Variants in CNOT10 observed in about 807,000 individuals in gnomAD.
CNOT10 encodes CCR4-NOT transcription complex subunit 10.
CNOT10 carries 30 observed loss-of-function variants against 94.6 expected under a neutral mutation model. That is an observed-to-expected ratio of 0.32 (90% CI 0.24 to 0.43). CNOT10 has a LOEUF of 0.43. CNOT10 is among the 20% of genes least tolerant of loss of function. The pLI, the probability that CNOT10 is intolerant of heterozygous loss-of-function variation, is 1.00. For missense variants in CNOT10, 759 were observed against 877.2 expected, an observed-to-expected ratio of 0.87 and a Z score of 1.70; for synonymous variants, 289 against 301.6, an observed-to-expected ratio of 0.96 and a Z score of 0.43.
intron 13 of CNOT10, among the ~76,000 whole-genome samples, chr3:32,754,489 A>AAAAAAAAT (rs77878221): frequency 7.1e-5 from 5 of 70,208 alleles, no homozygotes; most frequent in East Asian, 6.2e-4. Context: ...AAAAAAAAAA[A>AAAAAAAAT]ATACATATAT....
chr3:32,773,540 C>T lies in CNOT10; in HGVS notation c.2164C>T (p.Pro722Ser), dbSNP rs982657145. 22 of 1,614,166 alleles carry T rather than the reference C, an allele frequency of 1.4e-5. No homozygotes were observed. The highest frequency in any genetic ancestry group is 1.9e-5 in the Non-Finnish European group (22 of 1,180,016). The change falls in exon 19 of 19, where the codon CCA becomes TCA. Residue 722 changes from proline to serine, a missense_variant. By Grantham distance (74) the Pro-to-Ser change is moderately conservative. Coordinates refer to ENST00000328834, the MANE Select transcript of CNOT10 (RefSeq NM_015442.3). Reference protein sequence around the residue: ...VKTHSEVRKKPVFQPVHPIQP... With the variant: ...VKTHSEVRKKSVFQPVHPIQP... ...AACACACTCTGAAGTGAGAAAGAAGCCAGTGTTTCAGCCTGTCCACCCGAT... is the reference window on the plus strand; with the variant it reads ...AACACACTCTGAAGTGAGAAAGAAGTCAGTGTTTCAGCCTGTCCACCCGAT...
At chr3:32,755,880 G>A (rs563447806) in intron 13 of CNOT10, among the ~76,000 whole-genome samples, 1 of 152,070 alleles carries the variant, frequency 6.6e-6, no homozygotes, top group Non-Finnish European at 1.5e-5. Context: ...CCACAGGGGG[G>A]AAAAGCTAGT....
intron 13 of CNOT10, among the ~76,000 whole-genome samples, chr3:32,741,768 C>CAAAAAAAAAAAAAAA (rs529423159): frequency 1.2e-5 from 1 of 86,542 alleles, no homozygotes; most frequent in Admixed American, 1.3e-4. Flanking sequence ...GACTCCGTCT[C>CAAAAAAAAAAAAAAA]AAAAAAAAAA....
At position 32,704,814 on chromosome 3, in the gene CNOT10, G is replaced by C; in HGVS notation, c.121G>C (p.Gly41Arg). Residue 41 changes from glycine to arginine, a missense_variant, in exon 3 of 19, where the codon GGA becomes CGA. This residue lies in a region of CNOT10 where 682 missense variants were observed against 799.4 expected (regional missense o/e 0.85). Transcript: ENST00000328834. ...GTGTGTGGTTTTTTTTTTTTAGTCT[G>C]GAAATTATGATGCCTGTCTACAACA... ...STNAFQAFTS[G>R]NYDACLQHLA... The C allele has an allele frequency of 6.4e-7, 1 of 1,556,958 alleles. No homozygotes were observed. The highest frequency in any genetic ancestry group is 8.6e-7 in the Non-Finnish European group (1 of 1,162,308).
chr3:32,739,205 C>A (rs1203063773), intron 13 of CNOT10, among the ~76,000 whole-genome samples: 1 of 152,178 alleles, frequency 6.6e-6, no homozygotes, highest in Non-Finnish European at 1.5e-5. Context: ...TGCGCCCGGC[C>A]AGTTTTCATT....
intron 13 of CNOT10, chr3:32,752,974 TA>T: frequency 2.2e-6 from 1 of 461,224 alleles, no homozygotes; most frequent in Admixed American, 2.7e-5. Context: ...TTGGATACTC[TA>T]ATCGACGAGG....
chr3:32,702,752 G>C (rs1697411943), intron 1 of CNOT10, among the ~76,000 whole-genome samples: 1 of 152,078 alleles, frequency 6.6e-6, no homozygotes, highest in Admixed American at 6.6e-5. Context: ...TTTTTAAAGA[G>C]CACAATATTC....
At chr3:32,699,164 T>G (rs1697218781) in intron 1 of CNOT10, among the ~76,000 whole-genome samples, 1 of 152,180 alleles carries the variant, frequency 6.6e-6, no homozygotes, top group South Asian at 2.1e-4. Context: ...ACATACAGTT[T>G]GGTGAATAGT....
At chr3:32,698,679 A>G (rs1697190170) in intron 1 of CNOT10, among the ~76,000 whole-genome samples, 1 of 152,182 alleles carries the variant, frequency 6.6e-6, no homozygotes, top group Non-Finnish European at 1.5e-5. Flanking sequence ...TGCTCTTTTA[A>G]TTATGTCATA....
chr3:32,713,258 G>T lies in CNOT10; in HGVS notation c.462G>T (p.Leu154Phe), dbSNP rs370558352. The change falls in exon 5 of 19, where the codon TTG (leucine) becomes TTT (phenylalanine). Residue 154 changes from leucine (L) to phenylalanine (F), a missense_variant. Coordinates refer to ENST00000328834, the MANE Select transcript of CNOT10 (RefSeq NM_015442.3). ...AATTTGCCCAAGCAGTGTGTTTTTT[G>T]CTTGTAGACCTGTATATATTAACCT... ...EEKFAQAVCF[L>F]LVDLYILTYQ... 5.7e-6 allele frequency: 9 copies of T among 1,573,406 alleles called. No individual in the cohort carries two copies. Among genetic ancestry groups the T allele is most frequent in the East Asian group, 2.3e-5 (1 of 43,718 alleles).
chr3:32,735,643 G>C (rs1403294662), intron 12 of CNOT10, among the ~76,000 whole-genome samples: 1 of 152,066 alleles, frequency 6.6e-6, no homozygotes, highest in African/African-American at 2.4e-5. Flanking sequence ...GGAGGCAGAG[G>C]TTGCAGTGAG....
intron 1 of CNOT10, among the ~76,000 whole-genome samples, chr3:32,694,272 G>A (rs935010656): frequency 2.0e-5 from 3 of 151,904 alleles, no homozygotes; most frequent in African/African-American, 7.3e-5. Context: ...AACATTTTAT[G>A]TTTGAAGATG....
rs764198141 is a variant in CNOT10 at position 32,717,176 on chromosome 3, A to T, written c.683A>T (p.Gln228Leu). 6.2e-7 allele frequency: 1 copy of T among 1,607,386 alleles called. No individual in the cohort carries two copies. Reference protein sequence around the residue: ...IHQYKVRAYIQMKSLKACKRE... With the variant: ...IHQYKVRAYILMKSLKACKRE... ...CAGTACAAAGTACGAGCTTATATCC[A>T]AATGAAGTCTCTGAAAGCATGTAAA... is the stretch of plus-strand genomic sequence containing the variant. The change falls in exon 7 of 19, where the codon CAA becomes CTA. Residue 228 changes from glutamine (Q) to leucine (L), a missense_variant. By Grantham distance (113) the Gln-to-Leu change is moderately radical (BLOSUM62 -2). Coordinates refer to ENST00000328834, the MANE Select transcript of CNOT10 (RefSeq NM_015442.3).
chr3:32,726,726 TAATAAC>T (rs943420787), intron 9 of CNOT10, among the ~76,000 whole-genome samples: 2 of 128,304 alleles, frequency 1.6e-5, no homozygotes, highest in Admixed American at 1.6e-4. Context: ...ATAATAATAA[TAATAAC>T]CTATTTAATT....
At chr3:32,766,632 C>CA (rs369161243) in intron 17 of CNOT10, among the ~76,000 whole-genome samples, 4,117 of 71,806 alleles carry the variant, frequency 0.057, 154 homozygotes, top group Middle Eastern at 0.16. Context: ...GACTCTGTCT[C>CA]AAAAAAAAAA....
chr3:32,722,651 C>A (rs1698473276), intron 8 of CNOT10, among the ~76,000 whole-genome samples: 1 of 152,064 alleles, frequency 6.6e-6, no homozygotes, highest in East Asian at 1.9e-4. Flanking sequence ...CCAGCCTGGG[C>A]AACAGAACAA....
intron 1 of CNOT10, among the ~76,000 whole-genome samples, chr3:32,699,735 C>A (rs1268970440): frequency 6.6e-6 from 1 of 152,024 alleles, no homozygotes; most frequent in East Asian, 1.9e-4. Context: ...AGCTCTAGCC[C>A]CAACTTGAGT....
chr3:32,759,453 T>G lies in CNOT10; in HGVS notation c.1596-5T>G. Reference sequence around the variant, plus strand: ...ATTTTCGGCCCCTTCCCTTTTGTGTTATAGGTGCTCCATACTTGCTTGCAG... The same window carrying G: ...ATTTTCGGCCCCTTCCCTTTTGTGTGATAGGTGCTCCATACTTGCTTGCAG... On this transcript the variant is annotated splice_polypyrimidine_tract_variant and splice_region_variant and intron_variant, in intron 13 of 18. Coordinates refer to ENST00000328834, the MANE Select transcript of CNOT10 (RefSeq NM_015442.3). 1 of 1,607,204 alleles carries G rather than the reference T, an allele frequency of 6.2e-7. No individual in the cohort carries two copies. Among genetic ancestry groups the G allele is most frequent in the Non-Finnish European group, 8.5e-7 (1 of 1,174,626 alleles).
chr3:32,729,793 G>T (rs1698855267), intron 10 of CNOT10, among the ~76,000 whole-genome samples: 1 of 120,684 alleles, frequency 8.3e-6, no homozygotes, highest in Non-Finnish European at 1.6e-5. Flanking sequence ...TTTTGAGACG[G>T]AGTCTCGCCC....
Sources: allele counts gnomAD v4.1 joint callset (sites outside exome capture counted in the v4.1 genomes callset), GRCh38; gene constraint gnomAD v4.1.1; regional missense constraint gnomAD v4.1.1; transcripts MANE v1.5; gene names NCBI Gene and HGNC (gene_info 2026-07-23, HGNC 2026-07-21).